The following EPHA5 variants were observed in gnomAD, a reference collection of about 807,000 sequenced individuals.
EPHA5 encodes EPH receptor A5.
In EPHA5, 60 loss-of-function variants were observed where a neutral mutation model predicts 105.0. The observed-to-expected ratio is 0.57, with a 90% CI of 0.46 to 0.71. The LOEUF is 0.71. Among genes scored for constraint, EPHA5 ranks in the 30% least tolerant of loss-of-function variants. The pLI is 0.00. For synonymous variants in EPHA5, 513 were observed against 449.1 expected, an observed-to-expected ratio of 1.14 and a Z score of -1.80; for missense variants, 1,218 against 1,274.7, an observed-to-expected ratio of 0.96 and a Z score of 0.68.
At chr4:65,479,711 C>T (rs540039599) in intron 5 of EPHA5, among the ~76,000 whole-genome samples, 9 of 152,000 alleles carry the variant, frequency 5.9e-5, no homozygotes, top group Admixed American at 2.6e-4. Flanking sequence ...ATGAAAAGTG[C>T]AGTGAACATG....
chr4:65,404,432 A>G lies in EPHA5; in HGVS notation c.1735T>C (p.Ser579Pro). 1 of 1,613,824 alleles carries G rather than the reference A, an allele frequency of 6.2e-7. No homozygotes were observed. The highest frequency in any genetic ancestry group is 8.5e-7 in the Non-Finnish European group (1 of 1,179,810). The change falls in exon 8 of 17, where the codon TCT becomes CCT. Residue 579 changes from serine to proline, a missense_variant. Ser to Pro is a moderately conservative substitution (Grantham distance 74). Coordinates refer to ENST00000613740, the MANE Select transcript of EPHA5 (RefSeq NM_001281766.3). ...DQSQIPVIAV[S>P]VTVGVILLAV... is the part of the protein sequence containing the mutation. ...AACAAAATGACTCCCACTGTCACAG[A>G]CACAGCAATTACAGGAATCTGGCTT...
Position 65,601,735 on chromosome 4 carries a change from G to A in EPHA5, c.816C>T (p.Pro272=), listed in dbSNP as rs974894393. The A allele has an allele frequency of 1.2e-6, 2 of 1,613,984 alleles. No homozygotes were observed. The highest frequency in any genetic ancestry group is 1.3e-5 in the African/African-American group (1 of 74,906). Residue 272 remains proline, a synonymous_variant, in exon 3 of 17, where the codon CCC becomes CCT. Transcript: ENST00000613740. The part of the protein sequence containing the change: ...CVNHSVTDEP[P]KMHCSAEGEW... ...CCCCTTCGGCGCTGCAGTGCATTTT[G>A]GGAGGTTCATCGGTCACAGAATGGT...
At position 65,632,472 on chromosome 4, in the gene EPHA5, C is replaced by G. The variant is rs191440860; in HGVS notation, c.246+10891G>C. ...ATTATTGGCTCAGCTTAGTACAATA[C>G]AAAATAAATAGAAACTCCTAAATCC... On this transcript the variant is annotated intron_variant, in intron 2 of 16. Transcript: ENST00000613740. 2.2e-3 allele frequency among the ~76,000 whole-genome samples: 305 copies of G among 137,738 alleles called. 3 individuals carry two copies. The highest frequency in any genetic ancestry group is 7.8e-3 in the African/African-American group (284 of 36,372). 90.4% of individuals were successfully genotyped at this position (137,738 alleles called of 152,430 possible).
chr4:65,382,076 A>G (rs1719614809), intron 8 of EPHA5, among the ~76,000 whole-genome samples: 1 of 151,772 alleles, frequency 6.6e-6, no homozygotes, highest in Non-Finnish European at 1.5e-5. Flanking sequence ...AAATCCCCCA[A>G]ATTGTACAAA....
chr4:65,632,149 G>A (rs958683645), intron 2 of EPHA5, among the ~76,000 whole-genome samples: 1 of 151,982 alleles, frequency 6.6e-6, no homozygotes, highest in African/African-American at 2.4e-5. Context: ...TTACACATGA[G>A]GTAGTAAAGA....
At chr4:65,496,750 T>C (rs938243976) in intron 3 of EPHA5, among the ~76,000 whole-genome samples, 10 of 152,170 alleles carry the variant, frequency 6.6e-5, no homozygotes, top group Non-Finnish European at 1.5e-4. Flanking sequence ...TACCCAGTAA[T>C]GGGATGGCTT....
At chr4:65,635,439 A>C (rs767727209) in intron 2 of EPHA5, among the ~76,000 whole-genome samples, 6 of 152,126 alleles carry the variant, frequency 3.9e-5, no homozygotes, top group Non-Finnish European at 7.4e-5. Context: ...TAGAGCAAAA[A>C]TCAAAGCAGA....
chr4:65,462,168 C>T (rs866628796), intron 5 of EPHA5, among the ~76,000 whole-genome samples: 3 of 152,210 alleles, frequency 2.0e-5, no homozygotes, highest in South Asian at 2.1e-4. Context: ...AATGTGGTCA[C>T]GGGACACTTC....
chr4:65,324,067 T>C lies in EPHA5; in HGVS notation c.*47A>G, dbSNP rs1719846610. 2.3e-6 allele frequency: 3 copies of C among 1,279,872 alleles called. No individual in the cohort carries two copies. The Admixed American group carries it at 5.2e-5, about 22-fold the overall frequency. The allele number at this position is 1,279,872 out of a possible 1,614,324, so 79.3% of individuals were successfully genotyped here. On this transcript the variant is annotated 3_prime_UTR_variant, in exon 17 of 17. Transcript: ENST00000613740. ...TGTTAAAATAAATCTCAGTGCTGTT[T>C]ACAAAGTGCAGAATCATTCACTTGA...
At chr4:65,495,203 A>G (rs2149224445) in intron 4 of EPHA5, among the ~76,000 whole-genome samples, 185 bp downstream of exon 4, 1 of 152,290 alleles carries the variant, frequency 6.6e-6, no homozygotes, top group African/African-American at 2.4e-5. Flanking sequence ...ATGAGTGATA[A>G]AAAGAGACTC....
At chr4:65,495,092 C>T (rs1306490335) in intron 4 of EPHA5, among the ~76,000 whole-genome samples, 1 of 152,030 alleles carries the variant, frequency 6.6e-6, no homozygotes, top group Non-Finnish European at 1.5e-5. Context: ...TCATGTTTAG[C>T]TAGCATGAAC....
At chr4:65,491,562 C>T (rs901212190) in intron 4 of EPHA5, among the ~76,000 whole-genome samples, 2 of 151,980 alleles carry the variant, frequency 1.3e-5, no homozygotes, top group Admixed American at 6.6e-5. Flanking sequence ...ATATTAACTA[C>T]GAATAGCTTT....
intron 5 of EPHA5, among the ~76,000 whole-genome samples, chr4:65,428,481 T>C (rs1186472393): frequency 3.3e-5 from 5 of 152,058 alleles, no homozygotes; most frequent in African/African-American, 1.2e-4. Context: ...AAAAATTCAA[T>C]CTGCTCACTC....
chr4:65,620,200 A>T (rs112298817), intron 2 of EPHA5, among the ~76,000 whole-genome samples: 1 of 150,848 alleles, frequency 6.6e-6, no homozygotes, highest in African/African-American at 2.4e-5. Flanking sequence ...TTTCCTAAAC[A>T]TTGTAAATAT....
chr4:65,462,154 C>A (rs919456239), intron 5 of EPHA5, among the ~76,000 whole-genome samples: 1 of 152,072 alleles, frequency 6.6e-6, no homozygotes, highest in African/African-American at 2.4e-5. Context: ...ATCTTTTGAG[C>A]ACTAATGTGG....
At chr4:65,510,809 C>T (rs1284793324) in intron 3 of EPHA5, among the ~76,000 whole-genome samples, 1 of 152,194 alleles carries the variant, frequency 6.6e-6, no homozygotes, top group South Asian at 2.1e-4. Flanking sequence ...ACATAGTCCA[C>T]AAACATGCTA....
In EPHA5 at chr4:65,482,635, T is replaced by C. The variant is rs1222467128; in HGVS notation, c.1402+7742A>G. ...CTGACCCTTGGCAATGACATCAAGGTCTGGGAAGAAAAAAATCTAAATTTA... is the reference window on the plus strand; with the variant it reads ...CTGACCCTTGGCAATGACATCAAGGCCTGGGAAGAAAAAAATCTAAATTTA... On this transcript the variant is annotated intron_variant, in intron 5 of 16. Transcript: ENST00000613740. Among the ~76,000 whole-genome samples, 3 of 152,070 alleles carry C rather than the reference T, an allele frequency of 2.0e-5. No individual in the cohort carries two copies. In the East Asian group the frequency reaches 5.8e-4, roughly 29 times the overall value.
intron 1 of EPHA5, among the ~76,000 whole-genome samples, chr4:65,656,677 G>T (rs920916233): frequency 7.3e-5 from 11 of 150,006 alleles, no homozygotes; most frequent in African/African-American, 2.7e-4. Flanking sequence ...GAAGAGGAGT[G>T]ATCAGGGCTC....
chr4:65,335,413 C>A (rs889699907), intron 15 of EPHA5, among the ~76,000 whole-genome samples: 2 of 151,972 alleles, frequency 1.3e-5, no homozygotes, highest in Admixed American at 1.3e-4. Context: ...AAATCTCATT[C>A]AAACTACATG....
Sources: allele counts gnomAD v4.1 joint callset (sites outside exome capture counted in the v4.1 genomes callset), GRCh38; gene constraint gnomAD v4.1.1; transcripts MANE v1.5; gene names NCBI Gene and HGNC (gene_info 2026-07-23, HGNC 2026-07-21).